Variants in SNTG2 observed in about 807,000 individuals in gnomAD.
SNTG2 encodes the protein syntrophin gamma 2, also known as gamma-2-syntrophin.
SNTG2 carries 74 observed loss-of-function variants against 70.9 expected under a neutral mutation model. The observed-to-expected ratio is 1.04, with a 90% CI of 0.86 to 1.27. The LOEUF (loss-of-function observed/expected upper bound fraction) is 1.27, where lower values mean the gene tolerates loss of function less well. Among genes scored for constraint, SNTG2 ranks in the 50% most tolerant of loss-of-function variants. The probability of loss-of-function intolerance (pLI) is 0.00; values close to 1 mark genes in which losing one functional copy is unlikely to be tolerated. For synonymous variants in SNTG2, 278 were observed against 273.8 expected (o/e 1.02, Z -0.15); for missense variants, 717 against 690.7 (o/e 1.04, Z -0.43).
At chr2:1,155,003 C>A (rs1669771252) in intron 6 of SNTG2, among the ~76,000 whole-genome samples, 1 of 81,266 alleles carries the variant, frequency 1.2e-5, no homozygotes, top group Non-Finnish European at 4.3e-5. Flanking sequence ...TACACACACA[C>A]AAACAACACA....
chr2:1,003,067 A>G (rs985134914), intron 1 of SNTG2, among the ~76,000 whole-genome samples: 1 of 152,076 alleles, frequency 6.6e-6, no homozygotes, highest in African/African-American at 2.4e-5. Context: ...ACACACAACC[A>G]TAGTAGAATA....
At chr2:1,259,821 CA>C (rs1678323482) in intron 13 of SNTG2, among the ~76,000 whole-genome samples, 1 of 152,206 alleles carries the variant, frequency 6.6e-6, no homozygotes, top group Admixed American at 6.5e-5. Flanking sequence ...AAATTTGCCC[CA>C]GGGTCTGGCC....
intron 4 of SNTG2, among the ~76,000 whole-genome samples, chr2:1,105,983 T>A (rs112783834): frequency 2.8e-4 from 43 of 152,292 alleles, no homozygotes; most frequent in African/African-American, 9.4e-4. Flanking sequence ...ACACTGTCAT[T>A]GGGGTGCAGG....
intron 4 of SNTG2, among the ~76,000 whole-genome samples, chr2:1,110,694 C>T (rs1666386096): frequency 6.6e-6 from 1 of 152,234 alleles, no homozygotes; most frequent in African/African-American, 2.4e-5. Context: ...TGGGCCTTTG[C>T]CTTTGCCATT....
At chr2:1,238,125 T>C in intron 10 of SNTG2, 108 bp downstream of exon 10, 1 of 1,371,190 alleles carries the variant, frequency 7.3e-7, no homozygotes, top group Non-Finnish European at 9.8e-7. Flanking sequence ...CAGAAAATCA[T>C]GTACTTGTTT....
At chr2:1,144,050 G>A (rs2147784567) in intron 6 of SNTG2, among the ~76,000 whole-genome samples, 1 of 152,280 alleles carries the variant, frequency 6.6e-6, no homozygotes, top group South Asian at 2.1e-4. Context: ...GACACGCTGG[G>A]TAGCCCCATA....
chr2:1,306,252 G>T (rs919595843), intron 14 of SNTG2, among the ~76,000 whole-genome samples: 1 of 152,100 alleles, frequency 6.6e-6, no homozygotes, highest in East Asian at 1.9e-4. Flanking sequence ...CCGGCTGTGT[G>T]TGTGGCGTTG....
At chr2:1,050,658 T>C (rs1307969538) in intron 1 of SNTG2, among the ~76,000 whole-genome samples, 1 of 152,216 alleles carries the variant, frequency 6.6e-6, no homozygotes, top group Non-Finnish European at 1.5e-5. Flanking sequence ...TGCATTTCCA[T>C]TTAAAATTTA....
intron 1 of SNTG2, among the ~76,000 whole-genome samples, chr2:1,019,325 G>A (rs1014387165): frequency 1.3e-5 from 2 of 152,192 alleles, no homozygotes; most frequent in African/African-American, 4.8e-5. Flanking sequence ...GAGCAAGAGA[G>A]GGACTAGTGA....
chr2:1,244,695 CAAAAA>C lies in SNTG2; in HGVS notation c.889-2615_889-2611del, dbSNP rs558051455. 4.2e-3 allele frequency among the ~76,000 whole-genome samples: 373 copies of C among 88,610 alleles called. 1 individual carries two copies. Among genetic ancestry groups the C allele is most frequent in the African/African-American group, 0.012 (273 of 23,484 alleles). 58.1% of individuals were successfully genotyped at this position (88,610 alleles called of 152,430 possible). On this transcript the variant is annotated intron_variant, in intron 11 of 16. Coordinates refer to ENST00000308624, the MANE Select transcript of SNTG2 (RefSeq NM_018968.4). The stretch of plus-strand genomic sequence containing the variant: ...TGGGTGACAGAGCGAGACTCCATCT[CAAAAA>C]AAAAAAAAAAAAAAAACAGTTTGCA...
At chr2:1,340,422 A>G (rs1265886913) in intron 16 of SNTG2, among the ~76,000 whole-genome samples, 1 of 152,244 alleles carries the variant, frequency 6.6e-6, no homozygotes. Flanking sequence ...CGAAGGAGAG[A>G]TTCTTTTGCA....
intron 2 of SNTG2, among the ~76,000 whole-genome samples, chr2:1,084,693 C>T (rs1387992558): frequency 6.6e-6 from 1 of 152,234 alleles, no homozygotes; most frequent in Admixed American, 6.5e-5. Flanking sequence ...AAATGCATTG[C>T]TCACAGTTCT....
At chr2:951,467 CT>C (rs781448683) in intron 1 of SNTG2, among the ~76,000 whole-genome samples, 3 of 152,216 alleles carry the variant, frequency 2.0e-5, no homozygotes, top group Non-Finnish European at 4.4e-5. Flanking sequence ...AGCGTCCCCC[CT>C]GCAGCCTTCG....
intron 1 of SNTG2, among the ~76,000 whole-genome samples, chr2:1,082,651 C>T (rs1015454122): frequency 6.6e-6 from 1 of 152,190 alleles, no homozygotes; most frequent in Non-Finnish European, 1.5e-5. Flanking sequence ...TGGCTGCCAC[C>T]CCTGCTCCTG....
chr2:1,084,300 AGGT>A (rs1664538186), intron 2 of SNTG2, among the ~76,000 whole-genome samples: 1 of 152,196 alleles, frequency 6.6e-6, no homozygotes, highest in South Asian at 2.1e-4. Flanking sequence ...TTTCTGAAAG[AGGT>A]GCAGATGTTA....
chr2:1,341,169 G>A (rs1301112242), intron 16 of SNTG2: 3 of 152,158 alleles, frequency 2.0e-5, no homozygotes, highest in Non-Finnish European at 2.9e-5. Context: ...GTTTCCAGAT[G>A]ACCGGATTCA....
In SNTG2 at chr2:970,688, T is replaced by G. The variant is rs568399597; in HGVS notation, c.72+19620T>G. ...TATCATTGTTGGACATTTGGGTTGGTTCCAAGTCTTTGCTATTGTGAATAA... is the reference window on the plus strand; with the variant it reads ...TATCATTGTTGGACATTTGGGTTGGGTCCAAGTCTTTGCTATTGTGAATAA... On this transcript the variant is annotated intron_variant, in intron 1 of 16. Transcript: ENST00000308624. Among the ~76,000 whole-genome samples the G allele has an allele frequency of 4.0e-3, 598 of 147,874 alleles. 7 individuals are homozygous for G. Among genetic ancestry groups the G allele is most frequent in the African/African-American group, 0.013 (502 of 39,682 alleles).
intron 1 of SNTG2, among the ~76,000 whole-genome samples, chr2:1,069,935 C>G (rs905539827): frequency 2.0e-5 from 3 of 152,188 alleles, no homozygotes; most frequent in African/African-American, 7.2e-5. Flanking sequence ...GCCCACTCCT[C>G]ACCGCCTAGG....
intron 7 of SNTG2, among the ~76,000 whole-genome samples, chr2:1,167,958 C>T (rs1392434572): frequency 1.6e-5 from 2 of 123,164 alleles, no homozygotes; most frequent in Admixed American, 8.2e-5. Flanking sequence ...GCCTACAAGC[C>T]GCCCACAGAC....
Sources: gnomAD v4.1 joint callset for allele counts (sites outside exome capture counted in the v4.1 genomes callset) on GRCh38, gnomAD v4.1.1 for gene constraint, MANE v1.5 for transcripts, NCBI Gene and HGNC (gene_info 2026-07-23, HGNC 2026-07-21) for gene names.